Variants in SLC24A4 observed in about 807,000 individuals in gnomAD.
The protein encoded by SLC24A4 is solute carrier family 24 member 4, also known as sodium/potassium/calcium exchanger 4.
In SLC24A4, 53 loss-of-function variants were observed where a neutral mutation model predicts 79.0. The ratio of observed to expected loss-of-function variants is 0.67; its 90% CI spans 0.54 to 0.84. The LOEUF (loss-of-function observed/expected upper bound fraction) is 0.84. SLC24A4 is among the 40% of genes least tolerant of loss of function. The pLI, the probability that SLC24A4 is intolerant of heterozygous loss-of-function variation, is 0.00. For synonymous variants in SLC24A4, 323 were observed against 323.8 expected (o/e 1.00, Z 0.03); for missense variants, 731 against 822.0 (o/e 0.89, Z 1.35).
intron 2 of SLC24A4, among the ~76,000 whole-genome samples, chr14:92,407,412 C>T (rs1028329931): frequency 1.3e-5 from 2 of 152,224 alleles, no homozygotes; most frequent in African/African-American, 4.8e-5. Flanking sequence ...CATTTTCAGG[C>T]ATCTTTATAG....
intron 2 of SLC24A4, among the ~76,000 whole-genome samples, chr14:92,397,417 A>G (rs1179625093): frequency 6.6e-6 from 1 of 152,196 alleles, no homozygotes; most frequent in Non-Finnish European, 1.5e-5. Context: ...TTGGCTTGAA[A>G]ATGAATCTGT....
chr14:92,486,889 C>G (rs1230683370), intron 14 of SLC24A4, 109 bp downstream of exon 14: 1 of 687,976 alleles, frequency 1.5e-6, no homozygotes, highest in Non-Finnish European at 2.5e-6. Context: ...TGGCAGTTGT[C>G]AAGTCCTGCT....
At chr14:92,483,832 T>C (rs1895208928) in intron 13 of SLC24A4, 1 of 1,289,662 alleles carries the variant, frequency 7.8e-7, no homozygotes, top group African/African-American at 1.5e-5. Flanking sequence ...GTCCCTTTAT[T>C]CTCCTCCTAA....
intron 2 of SLC24A4, among the ~76,000 whole-genome samples, chr14:92,395,442 C>T (rs1420626476): frequency 1.3e-5 from 2 of 150,932 alleles, no homozygotes; most frequent in Non-Finnish European, 1.5e-5. Context: ...AACACACACA[C>T]ACACACACAC....
Position 92,456,448 on chromosome 14 carries a change from G to A in SLC24A4, c.1095G>A (p.Pro365=), listed in dbSNP as rs764823093. The A allele has an allele frequency of 2.5e-5, 40 of 1,614,088 alleles. No individual in the cohort carries two copies. The highest frequency in any genetic ancestry group is 1.4e-4 in the South Asian group (13 of 91,088). The change falls in exon 12 of 17, where the codon CCG becomes CCA. Residue 365 remains proline, a synonymous_variant. Transcript: ENST00000532405. The part of the protein sequence containing the change: ...INSANGVSSK[P]LQNGRHENIE... ...CGGCCAATGGTGTGAGCAGTAAGCCGCTTCAAAACGGGAGGCACGAGAACA... is the reference window on the plus strand; with the variant it reads ...CGGCCAATGGTGTGAGCAGTAAGCCACTTCAAAACGGGAGGCACGAGAACA...
chr14:92,444,657 C>T (rs1415894325), intron 7 of SLC24A4, among the ~76,000 whole-genome samples: 3 of 152,116 alleles, frequency 2.0e-5, no homozygotes, highest in African/African-American at 4.8e-5. Context: ...GAGTTTGAGA[C>T]CAGCCTGGCC....
chr14:92,353,631 G>A lies in SLC24A4; in HGVS notation c.241+27653G>A, dbSNP rs1419750647. On this transcript the variant is annotated intron_variant, in intron 2 of 16. Coordinates refer to ENST00000532405, the MANE Select transcript of SLC24A4 (RefSeq NM_153646.4). This position sits in a 1 kb window ranked among gnomAD's most constrained non-coding sequence, Gnocchi z 4.1. The stretch of plus-strand genomic sequence containing the variant: ...GTATCTCAGTTTGTTTCAGTCATGA[G>A]TGAGGTTGAGCATTTTTCCTATTAG... 6.6e-6 allele frequency among the ~76,000 whole-genome samples: 1 copy of A among 152,214 alleles called. No homozygotes were observed. The highest frequency in any genetic ancestry group is 2.4e-5 in the African/African-American group (1 of 41,452).
chr14:92,491,813 C>G (rs1304554531), intron 15 of SLC24A4, 36 bp downstream of exon 15: 1 of 1,531,576 alleles, frequency 6.5e-7, no homozygotes, highest in Non-Finnish European at 9.0e-7. Flanking sequence ...TGTGTTTTAC[C>G]CAGAAGGCTA....
intron 2 of SLC24A4, among the ~76,000 whole-genome samples, chr14:92,364,276 A>C (rs138865482): frequency 6.6e-6 from 1 of 152,114 alleles, no homozygotes; most frequent in Non-Finnish European, 1.5e-5. Context: ...ACCTTTATAG[A>C]ATGGTTCGAA....
At chr14:92,423,972 C>T (rs1222615396) in intron 2 of SLC24A4, among the ~76,000 whole-genome samples, 1 of 152,176 alleles carries the variant, frequency 6.6e-6, no homozygotes, top group Non-Finnish European at 1.5e-5. Flanking sequence ...ATTGATTCCT[C>T]CTGGAGTCTC....
chr14:92,480,800 T>C lies in SLC24A4; in HGVS notation c.1256-1880T>C, dbSNP rs551062680. Among the ~76,000 whole-genome samples, 10 of 152,334 alleles carry C rather than the reference T, an allele frequency of 6.6e-5. No individual in the cohort carries two copies. The South Asian group carries it at 1.5e-3, about 22-fold the overall frequency. On this transcript the variant is annotated intron_variant, in intron 12 of 16. Transcript: ENST00000532405. Reference sequence around the variant, plus strand: ...GAATTTTCCAGTTTTCCTTCTGTTATTGGTTTCTAATTCTGTTCCATTGTG... The same window carrying C: ...GAATTTTCCAGTTTTCCTTCTGTTACTGGTTTCTAATTCTGTTCCATTGTG...
chr14:92,347,668 C>T (rs547751921), intron 2 of SLC24A4, among the ~76,000 whole-genome samples: 1 of 152,320 alleles, frequency 6.6e-6, no homozygotes, highest in African/African-American at 2.4e-5. Context: ...GTGGCTCACG[C>T]CTGTAATCCC....
chr14:92,371,385 G>A (rs150875016), intron 2 of SLC24A4, among the ~76,000 whole-genome samples: 2 of 152,144 alleles, frequency 1.3e-5, no homozygotes, highest in Non-Finnish European at 2.9e-5. Flanking sequence ...GTCCATTGTG[G>A]AAACTCCCCC....
At chr14:92,483,538 G>T (rs4904940) in intron 13 of SLC24A4, among the ~76,000 whole-genome samples, 138,405 of 152,198 alleles carry the variant, frequency 0.91, 63,916 homozygotes, top group Non-Finnish European at 0.99. Flanking sequence ...TTCAGATTTC[G>T]TTGGATGGGA....
intron 12 of SLC24A4, among the ~76,000 whole-genome samples, chr14:92,474,864 T>TATATATATATATATATATATATAA: frequency 2.6e-5 from 1 of 38,988 alleles, no homozygotes; most frequent in East Asian, 5.8e-4. Context: ...TATATATATA[T>TATATATATATATATATATATATAA]TTTTTTTTTT....
rs1595140263 is a variant in SLC24A4 at position 92,343,636 on chromosome 14, CTTT to C, written c.241+17659_241+17661del. Among the ~76,000 whole-genome samples, 390 of 142,216 alleles carry C rather than the reference CTTT, an allele frequency of 2.7e-3. 2 individuals carry two copies. Among genetic ancestry groups the C allele is most frequent in the Middle Eastern group, 0.014 (4 of 284 alleles). The allele number at this position is 142,216 out of a possible 152,430, so 93.3% of individuals were successfully genotyped here. On this transcript the variant is annotated intron_variant, in intron 2 of 16. Transcript: ENST00000532405. ...TCTTTCTTTCTTTCTTTCTTTCTTT[CTTT>C]CTCTCTTTCCTTCTTTCCTTCCTTC...
intron 2 of SLC24A4, among the ~76,000 whole-genome samples, chr14:92,356,785 C>T (rs955627889): frequency 6.6e-6 from 1 of 152,230 alleles, no homozygotes; most frequent in African/African-American, 2.4e-5. Context: ...ATTCAGTTCT[C>T]TCTGGGGTCT....
chr14:92,373,872 A>T (rs939584002), intron 2 of SLC24A4, among the ~76,000 whole-genome samples: 1 of 152,184 alleles, frequency 6.6e-6, no homozygotes, highest in African/African-American at 2.4e-5. Context: ...GCAATCACCC[A>T]GTTTTGACAA....
At position 92,456,569 on chromosome 14, in the gene SLC24A4, C is replaced by T. The variant is rs1893480137; in HGVS notation, c.1216C>T (p.Pro406Ser). Residue 406 changes from proline (P) to serine (S), a missense_variant, in exon 12 of 17, where the codon CCG (proline) becomes TCG (serine). By Grantham distance (74) the Pro-to-Ser change is moderately conservative (BLOSUM62 -1). Coordinates refer to ENST00000532405, the MANE Select transcript of SLC24A4 (RefSeq NM_153646.4). ...PPQPPPPEPE[P>S]VEADFLSPFS... ...ACAGCCACCACCGCCAGAGCCAGAG[C>T]CGGTGGAGGCTGACTTCCTGTCCCC... 5 of 1,613,858 alleles carry T rather than the reference C, an allele frequency of 3.1e-6. No individual in the cohort carries two copies. Among genetic ancestry groups the T allele is most frequent in the Non-Finnish European group, 3.4e-6 (4 of 1,179,974 alleles).
Sources: allele counts gnomAD v4.1 joint callset (sites outside exome capture counted in the v4.1 genomes callset), GRCh38; gene constraint gnomAD v4.1.1; non-coding constraint Gnocchi (gnomAD v3.1); transcripts MANE v1.5; gene names NCBI Gene and HGNC (gene_info 2026-07-23, HGNC 2026-07-21).